PCDH15: variants seen among roughly 807,000 people sequenced by gnomAD.
PCDH15 encodes the protein protocadherin related 15.
PCDH15 carries 129 observed loss-of-function variants against 178.5 expected under a neutral mutation model. That is an observed-to-expected ratio of 0.72 (90% CI 0.63 to 0.84). The LOEUF (loss-of-function observed/expected upper bound fraction) is 0.84. PCDH15 is among the 40% of genes least tolerant of loss of function. The pLI is 0.00. For synonymous variants in PCDH15, 800 were observed against 732.0 expected, an observed-to-expected ratio of 1.09 and a Z score of -1.50; for missense variants, 2,230 against 2,099.9, an observed-to-expected ratio of 1.06 and a Z score of -1.21.
intron 1 of PCDH15, among the ~76,000 whole-genome samples, chr10:54,707,657 C>T (rs1400435011): frequency 1.3e-5 from 2 of 152,142 alleles, no homozygotes; most frequent in Non-Finnish European, 2.9e-5. Context: ...AGGTCTTTCA[C>T]CAGTACCAAA....
At chr10:55,089,092 C>T (rs1733742) in intron 2 of PCDH15, among the ~76,000 whole-genome samples, 1 of 151,892 alleles carries the variant, frequency 6.6e-6, no homozygotes, top group East Asian at 1.9e-4. Context: ...GCTTTGAATA[C>T]GATTATGTGA....
intron 3 of PCDH15, among the ~76,000 whole-genome samples, chr10:54,423,885 A>C (rs1955877040): frequency 6.6e-6 from 1 of 151,940 alleles, no homozygotes; most frequent in Non-Finnish European, 1.5e-5. Context: ...AAAGACTTAA[A>C]TGTTAGACCT....
At chr10:53,859,122 T>C (rs890307384) in intron 27 of PCDH15, among the ~76,000 whole-genome samples, 7 of 151,944 alleles carry the variant, frequency 4.6e-5, no homozygotes, top group African/African-American at 1.7e-4. Context: ...GTAGTAACTA[T>C]AGGGTGTTAT....
intron 3 of PCDH15, among the ~76,000 whole-genome samples, chr10:54,816,194 C>A (rs779574687): frequency 7.9e-5 from 12 of 151,866 alleles, no homozygotes; most frequent in Non-Finnish European, 1.6e-4. Flanking sequence ...ATGAAAGTGC[C>A]TGACATATTG....
At chr10:53,875,205 A>T (rs4287256) in intron 26 of PCDH15, among the ~76,000 whole-genome samples, 2 of 151,856 alleles carry the variant, frequency 1.3e-5, no homozygotes, top group Non-Finnish European at 2.9e-5. Context: ...TGCAAACAGG[A>T]TAAATAACAA....
At chr10:54,672,789 T>C (rs2094700030) in intron 1 of PCDH15, among the ~76,000 whole-genome samples, 1 of 152,154 alleles carries the variant, frequency 6.6e-6, no homozygotes, top group African/African-American at 2.4e-5. Flanking sequence ...TAAATCTAGT[T>C]ACAACTTTTC....
chr10:55,464,625 AATATAT>A (rs201924826), intron 2 of PCDH15, among the ~76,000 whole-genome samples: 39 of 63,028 alleles, frequency 6.2e-4, no homozygotes, highest in Admixed American at 6.9e-4. Flanking sequence ...AATGGGAGTA[AATATAT>A]ATATATATAT....
At chr10:54,576,272 C>G (rs2090473743) in intron 2 of PCDH15, among the ~76,000 whole-genome samples, 1 of 152,100 alleles carries the variant, frequency 6.6e-6, no homozygotes, top group South Asian at 2.1e-4. Flanking sequence ...TATAAGTTTT[C>G]TATAAAAATT....
chr10:53,992,807 G>GA (rs2091614057), intron 21 of PCDH15, among the ~76,000 whole-genome samples: 1 of 152,108 alleles, frequency 6.6e-6, no homozygotes, highest in Non-Finnish European at 1.5e-5. Flanking sequence ...AAGCACGGTA[G>GA]AAAAAAGAGA....
At chr10:54,212,679 A>T (rs531604324) in intron 10 of PCDH15, among the ~76,000 whole-genome samples, 41 of 152,232 alleles carry the variant, frequency 2.7e-4, no homozygotes, top group African/African-American at 9.6e-4. Context: ...TGATTATATG[A>T]CTGTTTCCCT....
At chr10:53,948,452 A>G (rs2086753632) in intron 23 of PCDH15, among the ~76,000 whole-genome samples, 1 of 152,022 alleles carries the variant, frequency 6.6e-6, no homozygotes, top group Non-Finnish European at 1.5e-5. Context: ...TGTTCACTCT[A>G]TTTTTGTGCA....
intron 3 of PCDH15, among the ~76,000 whole-genome samples, chr10:54,853,330 C>T (rs1292774344): frequency 4.5e-5 from 4 of 88,184 alleles, no homozygotes; most frequent in African/African-American, 1.0e-4. Flanking sequence ...CATACACACA[C>T]ATATACATAT....
At chr10:54,272,974 A>T (rs1200749050) in intron 8 of PCDH15, among the ~76,000 whole-genome samples, 1 of 152,164 alleles carries the variant, frequency 6.6e-6, no homozygotes. Flanking sequence ...TCAGAGTATA[A>T]TGTGGTATGT....
At chr10:55,178,301 G>C (rs1839550967) in intron 1 of PCDH15, among the ~76,000 whole-genome samples, 1 of 152,126 alleles carries the variant, frequency 6.6e-6, no homozygotes, top group African/African-American at 2.4e-5. Flanking sequence ...TGATCCACTT[G>C]AGGCCTCTAA....
At chr10:54,714,077 G>C (rs575190654) in intron 1 of PCDH15, among the ~76,000 whole-genome samples, 2 of 152,220 alleles carry the variant, frequency 1.3e-5, no homozygotes, top group African/African-American at 4.8e-5. Context: ...TGGCCACGTA[G>C]CAGCCCCTTT....
At chr10:54,400,031 C>CAG (rs1951739794) in intron 3 of PCDH15, among the ~76,000 whole-genome samples, 1 of 151,930 alleles carries the variant, frequency 6.6e-6, no homozygotes, top group African/African-American at 2.4e-5. Flanking sequence ...ATGAATAAGG[C>CAG]AGAGAGAGAG....
intron 18 of PCDH15, among the ~76,000 whole-genome samples, chr10:54,055,354 G>T (rs1173094153): frequency 1.3e-5 from 2 of 152,148 alleles, no homozygotes; most frequent in Non-Finnish European, 2.9e-5. Flanking sequence ...AAAGAAGTCA[G>T]TTCAGTAGAA....
intron 33 of PCDH15, among the ~76,000 whole-genome samples, chr10:53,819,229 A>G (rs1053261228): frequency 6.6e-6 from 1 of 152,042 alleles, no homozygotes; most frequent in Admixed American, 6.6e-5. Flanking sequence ...CTTATAAAAT[A>G]TCCAACCAAA....
At chr10:54,693,826 AT>A (rs1333885430) in intron 1 of PCDH15, among the ~76,000 whole-genome samples, 1 of 152,174 alleles carries the variant, frequency 6.6e-6, no homozygotes, top group East Asian at 1.9e-4. Context: ...CACTTCAGTG[AT>A]TGCCAATCAG....
Sources: allele counts gnomAD v4.1 joint callset (sites outside exome capture counted in the v4.1 genomes callset), GRCh38; gene constraint gnomAD v4.1.1; transcripts MANE v1.5; gene names NCBI Gene and HGNC (gene_info 2026-07-23, HGNC 2026-07-21).